BACE2: variants seen among roughly 807,000 people sequenced by gnomAD.
The protein encoded by BACE2 is beta-secretase 2, also known as 56 kDa aspartic-like protease.
Under a neutral mutation model 46.2 loss-of-function variants are expected in BACE2, and 17 were observed. The observed-to-expected ratio is 0.37, with a 90% confidence interval of 0.25 to 0.55. BACE2 has a LOEUF of 0.55. Among genes scored for constraint, BACE2 ranks in the 20% least tolerant of loss-of-function variants. The pLI, the probability that BACE2 is intolerant of heterozygous loss-of-function variation, is 0.82. For synonymous variants in BACE2, 277 were observed against 295.9 expected (o/e 0.94, Z 0.66); for missense variants, 595 against 698.1 (o/e 0.85, Z 1.66).
At chr21:41,176,761 G>C (rs1007968682) in intron 1 of BACE2, 5 of 152,188 alleles carry the variant, frequency 3.3e-5, no homozygotes, top group Non-Finnish European at 7.3e-5. Context: ...TCTTGGTGCT[G>C]AACGTGTGTT....
intron 1 of BACE2, among the ~76,000 whole-genome samples, chr21:41,220,191 G>A (rs1282196898): frequency 6.6e-6 from 1 of 152,128 alleles, no homozygotes; most frequent in Non-Finnish European, 1.5e-5. Flanking sequence ...GGTATAGGGG[G>A]ACAGGTACAG....
At chr21:41,206,130 A>G (rs762578419) in intron 1 of BACE2, among the ~76,000 whole-genome samples, 31 of 152,168 alleles carry the variant, frequency 2.0e-4, no homozygotes, top group Non-Finnish European at 4.3e-4. Flanking sequence ...GTGGCTTATA[A>G]ATAATGTCAA....
At chr21:41,261,907 C>T (rs2123636724) in intron 8 of BACE2, among the ~76,000 whole-genome samples, 1 of 152,186 alleles carries the variant, frequency 6.6e-6, no homozygotes, top group South Asian at 2.1e-4. Context: ...TTGCCATATA[C>T]CAGTATGTGT....
chr21:41,223,125 G>A (rs965933655), intron 1 of BACE2, among the ~76,000 whole-genome samples: 1 of 152,138 alleles, frequency 6.6e-6, no homozygotes, highest in Non-Finnish European at 1.5e-5. Flanking sequence ...AGGCCAAGAC[G>A]AGAGGATCAC....
intron 1 of BACE2, among the ~76,000 whole-genome samples, chr21:41,189,114 T>C (rs1461013077): frequency 6.6e-6 from 1 of 152,212 alleles, no homozygotes; most frequent in Non-Finnish European, 1.5e-5. Flanking sequence ...TGAACTGTTT[T>C]CTTTCCCTCC....
intron 5 of BACE2, among the ~76,000 whole-genome samples, chr21:41,244,269 C>T (rs1192552725): frequency 6.6e-6 from 1 of 152,180 alleles, no homozygotes; most frequent in African/African-American, 2.4e-5. Context: ...CCTCTTGTCA[C>T]GCGCGTCCAT....
At chr21:41,230,960 A>G (rs1986954059) in intron 2 of BACE2, among the ~76,000 whole-genome samples, 1 of 152,244 alleles carries the variant, frequency 6.6e-6, no homozygotes, top group Non-Finnish European at 1.5e-5. Context: ...CCACGAATCT[A>G]TTCAGGAGAT....
intron 1 of BACE2, among the ~76,000 whole-genome samples, chr21:41,220,231 C>T (rs892807441): frequency 1.3e-5 from 2 of 152,172 alleles, no homozygotes; most frequent in African/African-American, 4.8e-5. Context: ...TACACGCCAC[C>T]CTCCGGGAAC....
intron 1 of BACE2, among the ~76,000 whole-genome samples, chr21:41,220,352 C>G (rs1986605085): frequency 6.6e-6 from 1 of 152,198 alleles, no homozygotes; most frequent in Admixed American, 6.5e-5. Context: ...GCTTAACCTT[C>G]AGCTCCTCCC....
chr21:41,242,447 G>A (rs947505760), intron 4 of BACE2, among the ~76,000 whole-genome samples: 2 of 152,136 alleles, frequency 1.3e-5, no homozygotes, highest in Admixed American at 6.5e-5. Context: ...GCTGGAGCCT[G>A]AGCTTCCCTC....
chr21:41,181,104 T>C (rs984773961), intron 1 of BACE2: 1 of 167,140 alleles, frequency 6.0e-6, no homozygotes, highest in African/African-American at 2.4e-5. Flanking sequence ...CTAGGCGTTA[T>C]AGATTGTGAC....
Position 41,281,530 on chromosome 21 carries a change from T to C in BACE2, c.*5906T>C, listed in dbSNP as rs993400183. 6.6e-6 allele frequency: 1 copy of C among 152,226 alleles called. No individual in the cohort carries two copies. The highest frequency in any genetic ancestry group is 2.4e-5 in the African/African-American group (1 of 41,458). The allele number at this position is 152,226 out of a possible 1,614,324, so 9.4% of individuals were successfully genotyped here. A position where few individuals can be genotyped will look rare whatever the true frequency, so the allele number is the denominator to read the frequency against. On this transcript the variant is annotated 3_prime_UTR_variant, in exon 9 of 9. Coordinates refer to ENST00000330333, the MANE Select transcript of BACE2 (RefSeq NM_012105.5). ...ACATATGTTTTTCTGTTGAGTGCTATATGTGGAGGTCATTGCAAGTTCCCT... is the reference window on the plus strand; with the variant it reads ...ACATATGTTTTTCTGTTGAGTGCTACATGTGGAGGTCATTGCAAGTTCCCT...
At chr21:41,188,378 C>G (rs1985451222) in intron 1 of BACE2, among the ~76,000 whole-genome samples, 1 of 152,166 alleles carries the variant, frequency 6.6e-6, no homozygotes, top group Non-Finnish European at 1.5e-5. Context: ...TAGGGAGAGG[C>G]AGGGTGTTCC....
intron 5 of BACE2, among the ~76,000 whole-genome samples, chr21:41,243,900 C>T (rs151325735): frequency 5.2e-5 from 7 of 135,736 alleles, no homozygotes; most frequent in East Asian, 1.9e-4. Flanking sequence ...AAAATGAAAC[C>T]GAAAAGATCA....
At chr21:41,252,317 T>TAGGGG (rs1987665257) in intron 7 of BACE2, 6 of 152,352 alleles carry the variant, frequency 3.9e-5, no homozygotes, top group Non-Finnish European at 7.3e-5. Flanking sequence ...TCCTAACCTT[T>TAGGGG]GTTCCACCAA....
chr21:41,170,299 T>C (rs1601233580), intron 1 of BACE2, among the ~76,000 whole-genome samples: 1 of 152,190 alleles, frequency 6.6e-6, no homozygotes, highest in African/African-American at 2.4e-5. Context: ...GTTTAATTAA[T>C]TTAATTAACA....
chr21:41,197,660 A>G (rs958361952), intron 1 of BACE2, among the ~76,000 whole-genome samples: 1 of 152,234 alleles, frequency 6.6e-6, no homozygotes, highest in African/African-American at 2.4e-5. Context: ...TGTGTTAAAA[A>G]AAAAAAATGG....
intron 8 of BACE2, among the ~76,000 whole-genome samples, chr21:41,273,761 T>A (rs569930714): frequency 2.8e-4 from 42 of 152,344 alleles, no homozygotes; most frequent in Middle Eastern, 6.8e-3. Flanking sequence ...GAGTATTGAT[T>A]GGGGAAGTGA....
intron 1 of BACE2, among the ~76,000 whole-genome samples, chr21:41,200,476 C>T (rs1452892646): frequency 1.3e-5 from 2 of 152,092 alleles, no homozygotes; most frequent in African/African-American, 4.8e-5. Flanking sequence ...TTAGGTGCAC[C>T]CGTGAGGTCT....
Sources: allele counts gnomAD v4.1 joint callset (sites outside exome capture counted in the v4.1 genomes callset), GRCh38; gene constraint gnomAD v4.1.1; transcripts MANE v1.5; gene names NCBI Gene and HGNC (gene_info 2026-07-23, HGNC 2026-07-21).